Variants in SVIL observed in about 807,000 individuals in gnomAD.
SVIL encodes supervillin.
SVIL carries 101 observed loss-of-function variants against 240.4 expected under a neutral mutation model. The ratio of observed to expected loss-of-function variants is 0.42; its 90% confidence interval spans 0.36 to 0.50. The LOEUF is 0.50. Among genes scored for constraint, SVIL ranks in the 20% least tolerant of loss-of-function variants. SVIL has a pLI of 0.01. For synonymous variants in SVIL, 999 were observed against 1,100.0 expected, an observed-to-expected ratio of 0.91 and a Z score of 1.82; for missense variants, 2,512 against 2,818.7, an observed-to-expected ratio of 0.89 and a Z score of 2.46.
intron 1 of SVIL, among the ~76,000 whole-genome samples, chr10:29,581,458 C>A (rs1362884698): frequency 6.6e-6 from 1 of 152,208 alleles, no homozygotes; most frequent in African/African-American, 2.4e-5. Context: ...TACATCACTG[C>A]ATAAGGTAAT....
chr10:29,522,318 C>T (rs1356671647), intron 16 of SVIL, 92 bp downstream of exon 16: 2 of 1,197,592 alleles, frequency 1.7e-6, no homozygotes, highest in Admixed American at 2.0e-5. Context: ...TGTATGATTT[C>T]ATCTCTTTGC....
Position 29,523,987 on chromosome 10 carries a change from T to A in SVIL, c.2627A>T (p.Asn876Ile). 6.2e-7 allele frequency: 1 copy of A among 1,614,090 alleles called. No individual in the cohort carries two copies. The highest frequency in any genetic ancestry group is 2.2e-5 in the East Asian group (1 of 44,880). Reference protein sequence around the residue: ...GKLIPFSPAVNTSVSTVASTV... With the variant: ...GKLIPFSPAVITSVSTVASTV... ...GGATGCTACGGTAGACACTGATGTG[T>A]TCACGGCAGGTGAGAAAGGAATGAG... Residue 876 changes from asparagine (N) to isoleucine (I), a missense_variant, in exon 15 of 38, where the codon AAC (asparagine) becomes ATC (isoleucine). Asn to Ile is a moderately radical substitution (Grantham distance 149). Around this residue, in one of 3 missense-constraint regions of SVIL, gnomAD observed 1,443 missense variants for 1,486.6 expected, o/e 0.97. Transcript: ENST00000355867.
intron 1 of SVIL, among the ~76,000 whole-genome samples, chr10:29,621,942 G>C (rs1957661427): frequency 6.6e-6 from 1 of 152,048 alleles, no homozygotes; most frequent in South Asian, 2.1e-4. Context: ...CAGTGACTTG[G>C]GAGCAGCAAA....
chr10:29,728,789 AG>A (rs1304903338), intron 1 of SVIL, among the ~76,000 whole-genome samples: 2 of 152,182 alleles, frequency 1.3e-5, no homozygotes, highest in African/African-American at 2.4e-5. Flanking sequence ...AAGGATCGCA[AG>A]GGGGAAACTT....
chr10:29,649,538 C>T (rs1341421785), intron 3 of SVIL, among the ~76,000 whole-genome samples: 2 of 152,106 alleles, frequency 1.3e-5, no homozygotes, highest in Non-Finnish European at 2.9e-5. Flanking sequence ...GAAAACACTA[C>T]ATTTTAAAAA....
intron 1 of SVIL, among the ~76,000 whole-genome samples, chr10:29,571,533 A>G (rs1955418486): frequency 6.6e-6 from 1 of 152,228 alleles, no homozygotes; most frequent in Non-Finnish European, 1.5e-5. Context: ...TACCTAACAG[A>G]GAGCCAAAAA....
intron 29 of SVIL, among the ~76,000 whole-genome samples, chr10:29,475,933 T>A (rs1946147663): frequency 1.3e-5 from 2 of 152,252 alleles, no homozygotes; most frequent in Non-Finnish European, 2.9e-5. Flanking sequence ...CATATTTATT[T>A]GATTTTTAGC....
At chr10:29,655,956 T>C (rs1958990557) in intron 3 of SVIL, among the ~76,000 whole-genome samples, 1 of 149,514 alleles carries the variant, frequency 6.7e-6, no homozygotes, top group Non-Finnish European at 1.5e-5. Context: ...CACTGCAACC[T>C]TAGACTTCTG....
intron 1 of SVIL, among the ~76,000 whole-genome samples, chr10:29,614,305 T>C (rs1204928370): frequency 6.6e-6 from 1 of 152,156 alleles, no homozygotes; most frequent in East Asian, 1.9e-4. Context: ...GCAATCCCAT[T>C]ACTGGATATA....
At chr10:29,508,772 C>T (rs1164271032) in intron 17 of SVIL, among the ~76,000 whole-genome samples, 1 of 152,222 alleles carries the variant, frequency 6.6e-6, no homozygotes, top group Non-Finnish European at 1.5e-5. Flanking sequence ...GACCTCACAG[C>T]TGCAGAAGCA....
intron 30 of SVIL, chr10:29,473,588 A>C (rs1945831282): frequency 1.8e-6 from 1 of 549,446 alleles, no homozygotes; most frequent in African/African-American, 1.9e-5. Context: ...GGCCATCTGC[A>C]CTTGTCATGT....
intron 1 of SVIL, among the ~76,000 whole-genome samples, chr10:29,578,944 A>G (rs560990431): frequency 3.1e-4 from 39 of 126,088 alleles, no homozygotes; most frequent in Non-Finnish European, 5.7e-4. Flanking sequence ...ATCTGAAGCC[A>G]TGATGTGAAA....
At chr10:29,607,103 T>G in intron 1 of SVIL, among the ~76,000 whole-genome samples, 1 of 152,214 alleles carries the variant, frequency 6.6e-6, no homozygotes, top group Non-Finnish European at 1.5e-5. Context: ...TTTATCCTGG[T>G]GTGGGGCATG....
At chr10:29,529,304 G>A (rs905747327) in intron 12 of SVIL, among the ~76,000 whole-genome samples, 1 of 151,710 alleles carries the variant, frequency 6.6e-6, no homozygotes, top group Non-Finnish European at 1.5e-5. Context: ...AAGACCTCTA[G>A]TGTTTGCTTG....
chr10:29,685,973 A>C (rs1231802645), intron 2 of SVIL, among the ~76,000 whole-genome samples: 1 of 152,220 alleles, frequency 6.6e-6, no homozygotes, highest in Non-Finnish European at 1.5e-5. Context: ...TCAGATGTTC[A>C]AAAAATCCTC....
At chr10:29,564,431 C>G (rs1424256620) in intron 2 of SVIL, among the ~76,000 whole-genome samples, 4 of 152,120 alleles carry the variant, frequency 2.6e-5, no homozygotes, top group South Asian at 2.1e-4. Context: ...AGGAAGAAAA[C>G]AAACCTGTGG....
At chr10:29,576,835 C>T (rs116512920) in intron 1 of SVIL, among the ~76,000 whole-genome samples, 1,688 of 152,308 alleles carry the variant, frequency 0.011, 33 homozygotes, top group African/African-American at 0.038. Flanking sequence ...CATGAGCCAC[C>T]GCTCCCTGCT....
At chr10:29,724,419 T>C (rs1964170603) in intron 1 of SVIL, among the ~76,000 whole-genome samples, 1 of 148,022 alleles carries the variant, frequency 6.8e-6, no homozygotes, top group African/African-American at 2.5e-5. Context: ...GTTGGGTTTA[T>C]ACAAATAATC....
intron 1 of SVIL, among the ~76,000 whole-genome samples, chr10:29,730,119 AG>A (rs1378452559): frequency 7.9e-5 from 12 of 152,062 alleles, no homozygotes; most frequent in Admixed American, 7.2e-4. Flanking sequence ...TCAAGGCTGT[AG>A]TAAGCTATGA....
Sources: gnomAD v4.1 joint callset for allele counts (sites outside exome capture counted in the v4.1 genomes callset) on GRCh38, gnomAD v4.1.1 for gene constraint, gnomAD v4.1.1 regional missense constraint, MANE v1.5 for transcripts, NCBI Gene and HGNC (gene_info 2026-07-23, HGNC 2026-07-21) for gene names.